Variants in PC observed in about 807,000 individuals in gnomAD.
PC encodes the protein pyruvate carboxylase, mitochondrial.
Under a neutral mutation model 107.8 loss-of-function variants are expected in PC, and 46 were observed. The observed-to-expected ratio is 0.43, with a 90% CI of 0.34 to 0.55. PC has a LOEUF of 0.55. Ranked by LOEUF, PC falls within the 20% of genes least tolerant of loss-of-function variation. The pLI is 0.04. For synonymous variants in PC, 662 were observed against 684.7 expected (o/e 0.97, Z 0.52); for missense variants, 1,241 against 1,643.1 (o/e 0.76, Z 4.23).
chr11:66,871,670 C>T lies in PC; in HGVS notation c.321+17G>A. 6.4e-7 allele frequency: 1 copy of T among 1,563,260 alleles called. No individual in the cohort carries two copies. The highest frequency in any genetic ancestry group is 8.7e-7 in the Non-Finnish European group (1 of 1,153,688). On this transcript the variant is annotated intron_variant, in intron 5 of 22. Coordinates refer to ENST00000393960, the MANE Select transcript of PC (RefSeq NM_001040716.2). The surrounding 1 kb of genome is among the most constrained non-coding windows in gnomAD (Gnocchi z 7.4). ...CTGGTCCCTGCTGTCCAGGCCCAGC[C>T]AGGCCACTGGGCTCACCTTGGCCAC...
chr11:66,858,238 T>G lies in PC; in HGVS notation c.1369-4855A>C. ...CTCCGGCAGGTGCCCTGGGCCGGCATCGGCGCCATGCCTGCCCTGCACACC... is the reference window on the plus strand; with the variant it reads ...CTCCGGCAGGTGCCCTGGGCCGGCAGCGGCGCCATGCCTGCCCTGCACACC... On this transcript the variant is annotated intron_variant, in intron 12 of 22. Coordinates refer to ENST00000393960, the MANE Select transcript of PC (RefSeq NM_001040716.2). The surrounding 1 kb of genome is among the most constrained non-coding windows in gnomAD (Gnocchi z 5.9). The G allele has an allele frequency of 6.2e-7, 1 of 1,612,448 alleles. No homozygotes were observed. The highest frequency in any genetic ancestry group is 1.1e-5 in the South Asian group (1 of 91,080).
chr11:66,954,035 T>C (rs185195933), intron 2 of PC, among the ~76,000 whole-genome samples: 46 of 152,310 alleles, frequency 3.0e-4, no homozygotes, highest in African/African-American at 1.1e-3. Flanking sequence ...ATCATCGTTA[T>C]GAAAAGAGAG....
At chr11:66,929,622 CT>C (rs1948798304) in intron 3 of PC, among the ~76,000 whole-genome samples, 1 of 152,164 alleles carries the variant, frequency 6.6e-6, no homozygotes, top group South Asian at 2.1e-4. Context: ...CCACCTCGGC[CT>C]CCCAAAGTGC....
intron 3 of PC, among the ~76,000 whole-genome samples, chr11:66,896,109 T>G (rs1436688119): frequency 6.6e-6 from 1 of 152,176 alleles, no homozygotes; most frequent in Non-Finnish European, 1.5e-5. Context: ...GGAGACAGTC[T>G]GGCTCTGTCA....
intron 3 of PC, among the ~76,000 whole-genome samples, chr11:66,886,858 G>T (rs1006374387): frequency 1.3e-5 from 2 of 152,174 alleles, no homozygotes; most frequent in Non-Finnish European, 2.9e-5. Context: ...ATCCCAGCCC[G>T]CTCCAGAGAC....
chr11:66,871,649 T>G lies in PC; in HGVS notation c.321+38A>C. The G allele has an allele frequency of 6.4e-7, 1 of 1,561,412 alleles. No individual in the cohort carries two copies. On this transcript the variant is annotated intron_variant, in intron 5 of 22. Coordinates refer to ENST00000393960, the MANE Select transcript of PC (RefSeq NM_001040716.2). This position sits in a 1 kb window ranked among gnomAD's most constrained non-coding sequence, Gnocchi z 7.4. Reference sequence around the variant, plus strand: ...CCCCGCGGCAACTAAGACTCCCTGGTCCCTGCTGTCCAGGCCCAGCCAGGC... The same window carrying G: ...CCCCGCGGCAACTAAGACTCCCTGGGCCCTGCTGTCCAGGCCCAGCCAGGC...
chr11:66,880,007 C>T (rs1947129273), intron 3 of PC, among the ~76,000 whole-genome samples: 1 of 152,194 alleles, frequency 6.6e-6, no homozygotes, highest in Non-Finnish European at 1.5e-5. Context: ...AAGACCCCCA[C>T]CACCAACCTG....
rs750352828 is a variant in PC, at chr11:66,858,503, C to G, written c.1369-5120G>C. 1 of 1,536,896 alleles carries G rather than the reference C, an allele frequency of 6.5e-7. No individual in the cohort carries two copies. Among genetic ancestry groups the G allele is most frequent in the Admixed American group, 2.0e-5 (1 of 51,002 alleles). Reference sequence around the variant, plus strand: ...TGCGGCGGCTGGCGCGGCCGGACGACCTGGAAACGTGCGCCTCCCCGCCCG... The same window carrying G: ...TGCGGCGGCTGGCGCGGCCGGACGAGCTGGAAACGTGCGCCTCCCCGCCCG... On this transcript the variant is annotated intron_variant, in intron 12 of 22. Coordinates refer to ENST00000393960, the MANE Select transcript of PC (RefSeq NM_001040716.2). The surrounding 1 kb of genome is among the most constrained non-coding windows in gnomAD (Gnocchi z 5.9).
chr11:66,864,535 T>C (rs2135907733), intron 11 of PC, among the ~76,000 whole-genome samples: 1 of 152,272 alleles, frequency 6.6e-6, no homozygotes, highest in Non-Finnish European at 1.5e-5. Context: ...CATGCTCCCT[T>C]CCTTTCCTTT....
In PC at chr11:66,857,133, G is replaced by A. The variant is rs1334117573; in HGVS notation, c.1369-3750C>T. 1.4e-5 allele frequency: 2 copies of A among 148,074 alleles called. No individual in the cohort carries two copies. The highest frequency in any genetic ancestry group is 2.4e-5 in the African/African-American group (1 of 40,962). 9.2% of individuals were successfully genotyped at this position (148,074 alleles called of 1,614,324 possible). ...GCGCCGGGAAAAGGTGCCGGGAACC[G>A]AGCGAGCCGGGGCCGCGGGCCCGAG... On this transcript the variant is annotated intron_variant, in intron 12 of 22. Transcript: ENST00000393960. The surrounding 1 kb of genome is among the most constrained non-coding windows in gnomAD (Gnocchi z 7.1).
At chr11:66,861,334 T>C (rs960816289) in intron 12 of PC, among the ~76,000 whole-genome samples, 13 of 152,242 alleles carry the variant, frequency 8.5e-5, no homozygotes, top group Admixed American at 5.9e-4. Flanking sequence ...CCAGGTGCTG[T>C]ATGAAAACTC....
In PC at chr11:66,858,203, C is replaced by T. The variant is rs752211924; in HGVS notation, c.1369-4820G>A. On this transcript the variant is annotated intron_variant, in intron 12 of 22. Transcript: ENST00000393960. This position sits in a 1 kb window ranked among gnomAD's most constrained non-coding sequence, Gnocchi z 5.9. Reference sequence around the variant, plus strand: ...AGAGCCTGGAGGACCTGGACCTGTCCTACAACAACCTCCGGCAGGTGCCCT... The same window carrying T: ...AGAGCCTGGAGGACCTGGACCTGTCTTACAACAACCTCCGGCAGGTGCCCT... The T allele has an allele frequency of 6.2e-7, 1 of 1,612,482 alleles. No homozygotes were observed.
At position 66,850,052 on chromosome 11, in the gene PC, C is replaced by T. The variant is rs755385132; in HGVS notation, c.2783G>A (p.Arg928Gln). 8.1e-5 allele frequency: 131 copies of T among 1,613,692 alleles called. No homozygotes were observed. Among genetic ancestry groups the T allele is most frequent in the East Asian group, 6.7e-5 (3 of 44,892 alleles). Residue 928 changes from arginine to glutamine, a missense_variant, in exon 20 of 23, where the codon CGG becomes CAG. Transcript: ENST00000393960. ...TTCCGCCTGAGCTTCGGCCTCTGCC[C>T]GGCTCAATCCATTCTGCACCATAAA... The part of the protein sequence containing the change: ...AQFMVQNGLS[R>Q]AEAEAQAEEL...
At chr11:66,877,411 C>G (rs945216799) in intron 3 of PC, among the ~76,000 whole-genome samples, 1 of 152,134 alleles carries the variant, frequency 6.6e-6, no homozygotes, top group African/African-American at 2.4e-5. Context: ...CAAAAAAAGC[C>G]GGGCACAGTG....
chr11:66,880,905 G>T (rs1479680095), intron 3 of PC, among the ~76,000 whole-genome samples: 1 of 152,202 alleles, frequency 6.6e-6, no homozygotes, highest in African/African-American at 2.4e-5. Context: ...AATGCAGAGG[G>T]CTTTACTAAC....
At chr11:66,867,264 T>C (rs2135922180) in intron 10 of PC, among the ~76,000 whole-genome samples, 1 of 152,214 alleles carries the variant, frequency 6.6e-6, no homozygotes, top group South Asian at 2.1e-4. Context: ...TGTGTGCCTG[T>C]AATCCCAGCT....
chr11:66,871,327 C>T lies in PC; in HGVS notation c.475G>A (p.Ala159Thr), dbSNP rs768981875. Reference sequence around the variant, plus strand: ...CCGTTATATTCACCCGCAGCAATGGCGATGGCCCGGGCCTCCACCTTGTCT... The same window carrying T: ...CCGTTATATTCACCCGCAGCAATGGTGATGGCCCGGGCCTCCACCTTGTCT... The part of the protein sequence containing the change: ...MGDKVEARAI[A>T]IAAGVPVVPG... The change falls in exon 6 of 23, where the codon GCC becomes ACC. Residue 159 changes from alanine (A) to threonine (T), a missense_variant. Ala to Thr is a moderately conservative substitution (Grantham distance 58). Transcript: ENST00000393960. The surrounding 1 kb of genome is among the most constrained non-coding windows in gnomAD (Gnocchi z 7.4). 1.9e-5 allele frequency: 31 copies of T among 1,613,846 alleles called. No homozygotes were observed. The highest frequency in any genetic ancestry group is 1.8e-5 in the Non-Finnish European group (21 of 1,180,034).
At chr11:66,899,745 T>C (rs1298661863) in intron 3 of PC, among the ~76,000 whole-genome samples, 1 of 152,258 alleles carries the variant, frequency 6.6e-6, no homozygotes, top group Non-Finnish European at 1.5e-5. Context: ...TGTTCTTTGA[T>C]GTACAAAGGT....
At position 66,897,315 on chromosome 11, in the gene PC, A is replaced by C. The variant is rs139292041; in HGVS notation, c.1-25156T>G. 3.1e-4 allele frequency among the ~76,000 whole-genome samples: 47 copies of C among 152,290 alleles called. 1 individual carries two copies. The East Asian group carries it at 8.5e-3, about 28-fold the overall frequency. On this transcript the variant is annotated intron_variant, in intron 3 of 22. Coordinates refer to ENST00000393960, the MANE Select transcript of PC (RefSeq NM_001040716.2). ...TCGGGGTGCAGTGGCTCACACCTAT[A>C]ATCCCAGCACTTTGGGAGGCCGAAG...
Sources: gnomAD v4.1 joint callset for allele counts (sites outside exome capture counted in the v4.1 genomes callset) on GRCh38, gnomAD v4.1.1 for gene constraint, Gnocchi (gnomAD v3.1) non-coding constraint, MANE v1.5 for transcripts, NCBI Gene and HGNC (gene_info 2026-07-23, HGNC 2026-07-21) for gene names.